Variants in AKT3 observed in about 807,000 individuals in gnomAD.
AKT3 encodes AKT serine/threonine kinase 3.
In AKT3, 15 loss-of-function variants were observed where a neutral mutation model predicts 65.3. The ratio of observed to expected loss-of-function variants is 0.23; its 90% CI spans 0.15 to 0.35. The LOEUF (loss-of-function observed/expected upper bound fraction) is 0.35, where lower values mean the gene tolerates loss of function less well. Among genes scored for constraint, AKT3 ranks in the 10% least tolerant of loss-of-function variants. AKT3 has a pLI of 1.00. For synonymous variants in AKT3, 206 were observed against 183.8 expected, an observed-to-expected ratio of 1.12 and a Z score of -0.98; for missense variants, 243 against 576.5, an observed-to-expected ratio of 0.42 and a Z score of 5.92.
intron 3 of AKT3, among the ~76,000 whole-genome samples, chr1:243,684,165 T>C (rs1684117877): frequency 6.6e-6 from 1 of 152,194 alleles, no homozygotes; most frequent in Non-Finnish European, 1.5e-5. Flanking sequence ...TTTTTACTTT[T>C]TTTTATTATA....
chr1:243,556,572 C>G (rs962632633), intron 10 of AKT3, among the ~76,000 whole-genome samples: 2 of 152,012 alleles, frequency 1.3e-5, no homozygotes, highest in African/African-American at 4.8e-5. Context: ...CCTGACAGAA[C>G]AGATGGGGGA....
Position 243,682,795 on chromosome 1 carries a change from G to C in AKT3, c.172+12796C>G, listed in dbSNP as rs373878144. Among the ~76,000 whole-genome samples the C allele has an allele frequency of 2.0e-5, 3 of 152,068 alleles. No homozygotes were observed. The East Asian group carries it at 5.8e-4, about 29-fold the overall frequency. The stretch of plus-strand genomic sequence containing the variant: ...AATTTTTCAAATTAATGCTATTCTT[G>C]TTACCTGGAAAGTAACTTTATCTTT... On this transcript the variant is annotated intron_variant, in intron 3 of 13. Coordinates refer to ENST00000673466, the MANE Select transcript of AKT3 (RefSeq NM_005465.7).
At chr1:243,669,662 G>C (rs1683036129) in intron 3 of AKT3, among the ~76,000 whole-genome samples, 1 of 152,132 alleles carries the variant, frequency 6.6e-6, no homozygotes, top group Non-Finnish European at 1.5e-5. Flanking sequence ...ATAATTTAAA[G>C]AACTTCTCAA....
intron 2 of AKT3, among the ~76,000 whole-genome samples, chr1:243,798,393 A>ATTTTTTTTTTTTTT (rs759264137): frequency 1.6e-4 from 13 of 83,324 alleles, no homozygotes; most frequent in Non-Finnish European, 2.3e-4. Context: ...CTAATTTTTA[A>ATTTTTTTTTTTTTT]TTTTTTTTTT....
At chr1:243,647,149 G>C (rs889749670) in intron 4 of AKT3, among the ~76,000 whole-genome samples, 4 of 152,146 alleles carry the variant, frequency 2.6e-5, no homozygotes, top group Admixed American at 6.5e-5. Flanking sequence ...TCTGTGTAAA[G>C]ATCTTTCACA....
At chr1:243,849,652 G>A (rs927565195) in intron 1 of AKT3, among the ~76,000 whole-genome samples, 1 of 151,472 alleles carries the variant, frequency 6.6e-6, no homozygotes, top group South Asian at 2.1e-4. Context: ...CGGCCCGGGC[G>A]GGGAGGGGCG....
chr1:243,490,262 C>T (rs1052268947), intron 13 of AKT3, among the ~76,000 whole-genome samples: 1 of 152,236 alleles, frequency 6.6e-6, no homozygotes, highest in East Asian at 1.9e-4. Flanking sequence ...GGAGCTAAGG[C>T]CTGGAGGTGG....
At chr1:243,795,472 TTTGG>T (rs1558817985) in intron 2 of AKT3, among the ~76,000 whole-genome samples, 4 of 100,730 alleles carry the variant, frequency 4.0e-5, no homozygotes, top group Non-Finnish European at 4.5e-5. Flanking sequence ...GTTTTTTTTT[TTTGG>T]TTTTTTTTTT....
intron 2 of AKT3, among the ~76,000 whole-genome samples, chr1:243,746,746 G>A (rs964057183): frequency 6.6e-6 from 1 of 152,158 alleles, no homozygotes; most frequent in African/African-American, 2.4e-5. Flanking sequence ...GAGAGAGAAC[G>A]AATCTTTCCC....
At chr1:243,660,738 G>A (rs1427356099) in intron 4 of AKT3, among the ~76,000 whole-genome samples, 1 of 152,160 alleles carries the variant, frequency 6.6e-6, no homozygotes, top group Non-Finnish European at 1.5e-5. Context: ...AGGAAATAAA[G>A]GGTATTCAAT....
intron 13 of AKT3, among the ~76,000 whole-genome samples, chr1:243,511,407 G>A (rs1193617415): frequency 1.3e-5 from 2 of 152,112 alleles, no homozygotes; most frequent in Non-Finnish European, 2.9e-5. Context: ...GACCATCTCT[G>A]GCACAGCATT....
chr1:243,665,021 T>A, intron 3 of AKT3, 138 bp from the exon 4 acceptor site: 1 of 384,236 alleles, frequency 2.6e-6, no homozygotes, highest in Non-Finnish European at 4.6e-6. Context: ...CTCAAGATTA[T>A]TTACAGCCTG....
intron 3 of AKT3, among the ~76,000 whole-genome samples, chr1:243,674,024 G>A (rs1303616890): frequency 6.6e-6 from 1 of 152,176 alleles, no homozygotes; most frequent in Admixed American, 6.5e-5. Flanking sequence ...TCCCTTAGGG[G>A]AAGGTCCATA....
chr1:243,836,623 A>C (rs1045423915), intron 2 of AKT3, among the ~76,000 whole-genome samples: 4 of 152,210 alleles, frequency 2.6e-5, no homozygotes, highest in Admixed American at 6.5e-5. Context: ...AAATCATTAA[A>C]AAGTTGGCTG....
chr1:243,594,151 C>T (rs1274577824), intron 8 of AKT3, among the ~76,000 whole-genome samples: 1 of 151,998 alleles, frequency 6.6e-6, no homozygotes, highest in African/African-American at 2.4e-5. Flanking sequence ...TTCTTATATG[C>T]TAACAGCAAA....
At chr1:243,702,549 C>A (rs2148048325) in intron 2 of AKT3, among the ~76,000 whole-genome samples, 1 of 152,246 alleles carries the variant, frequency 6.6e-6, no homozygotes, top group Non-Finnish European at 1.5e-5. Context: ...TGGTTGTTAG[C>A]AAGTGATACT....
chr1:243,787,926 CTCA>C (rs1395856249), intron 2 of AKT3, among the ~76,000 whole-genome samples: 2 of 152,154 alleles, frequency 1.3e-5, no homozygotes, highest in African/African-American at 4.8e-5. Flanking sequence ...CTCCATTCCC[CTCA>C]GATCCCACCA....
intron 5 of AKT3, among the ~76,000 whole-genome samples, chr1:243,644,532 T>G (rs1341632450): frequency 6.6e-6 from 1 of 150,904 alleles, no homozygotes; most frequent in African/African-American, 2.4e-5. Flanking sequence ...AAGTTCAAAA[T>G]GAAAAAAAAA....
At chr1:243,713,764 A>AG (rs1477853492) in intron 2 of AKT3, among the ~76,000 whole-genome samples, 1 of 148,092 alleles carries the variant, frequency 6.8e-6, no homozygotes, top group Non-Finnish European at 1.5e-5. Flanking sequence ...AAAAAAAAAA[A>AG]AAAAAAAAAA....
Sources: allele counts gnomAD v4.1 joint callset (sites outside exome capture counted in the v4.1 genomes callset), GRCh38; gene constraint gnomAD v4.1.1; transcripts MANE v1.5; gene names NCBI Gene and HGNC (gene_info 2026-07-23, HGNC 2026-07-21).